LARGE1: variants seen among roughly 807,000 people sequenced by gnomAD.
LARGE1 encodes the protein xylosyl- and glucuronyltransferase LARGE1.
LARGE1 carries 43 observed loss-of-function variants against 87.6 expected under a neutral mutation model. The observed-to-expected ratio is 0.49, with a 90% CI of 0.38 to 0.63. The LOEUF is 0.63. LARGE1 is among the 30% of genes least tolerant of loss of function. The pLI is 0.00. For synonymous variants in LARGE1, 434 were observed against 394.6 expected (o/e 1.10, Z -1.18); for missense variants, 802 against 1,000.2 (o/e 0.80, Z 2.67).
chr22:33,516,225 G>A (rs1015592744), intron 6 of LARGE1, among the ~76,000 whole-genome samples: 2 of 152,098 alleles, frequency 1.3e-5, no homozygotes, highest in Admixed American at 6.5e-5. Context: ...GCTTAAAGGC[G>A]GGGAAACAGT....
At chr22:33,531,924 A>G (rs2072225774) in intron 6 of LARGE1, among the ~76,000 whole-genome samples, 1 of 152,248 alleles carries the variant, frequency 6.6e-6, no homozygotes, top group South Asian at 2.1e-4. Flanking sequence ...GGTTCCATGC[A>G]ACAGACACTG....
chr22:33,204,836 A>T (rs368575536), intron 11 of LARGE1, among the ~76,000 whole-genome samples: 2 of 151,986 alleles, frequency 1.3e-5, no homozygotes, highest in Non-Finnish European at 2.9e-5. Context: ...ATTACTATAG[A>T]AGGGTTCTGT....
Position 33,679,830 on chromosome 22 carries a change from G to A in LARGE1, c.107-29162C>T, listed in dbSNP as rs575878176. ...GCACTCCAGCCTGGGCAACAAGAGC[G>A]AAACTCTGTCTCAAAAAACAAACAA... On this transcript the variant is annotated intron_variant, in intron 2 of 14. Transcript: ENST00000397394. Among the ~76,000 whole-genome samples the A allele has an allele frequency of 2.6e-5, 4 of 152,042 alleles. No individual in the cohort carries two copies. In the South Asian group the frequency reaches 6.2e-4, roughly 24 times the overall value.
intron 11 of LARGE1, among the ~76,000 whole-genome samples, chr22:33,259,070 A>G (rs1963272): frequency 0.98 from 149,308 of 152,138 alleles, 73,269 homozygotes; most frequent in East Asian, 1. Context: ...AGTAGAGACG[A>G]GATTTCACCA....
At chr22:33,563,114 C>T (rs914244817) in intron 6 of LARGE1, 24 of 152,366 alleles carry the variant, frequency 1.6e-4, no homozygotes, top group African/African-American at 5.8e-4. Flanking sequence ...ACAGGCATGG[C>T]CACTCACTTC....
At chr22:33,332,754 G>A (rs1253958235) in intron 10 of LARGE1, among the ~76,000 whole-genome samples, 1 of 152,176 alleles carries the variant, frequency 6.6e-6, no homozygotes, top group Non-Finnish European at 1.5e-5. Flanking sequence ...TCCCTACAGA[G>A]CTGTGGTTCA....
chr22:33,165,657 A>C (rs1477797196), exon 12 of LARGE1: 2 of 152,192 alleles, frequency 1.3e-5, no homozygotes, highest in Non-Finnish European at 2.9e-5. Flanking sequence ...ATTGTATCAC[A>C]CAGCCCAGCT....
intron 11 of LARGE1, among the ~76,000 whole-genome samples, chr22:33,173,112 AG>A (rs1482696082): frequency 2.6e-5 from 4 of 152,214 alleles, no homozygotes; most frequent in Admixed American, 2.0e-4. Context: ...CCAGAGAGAA[AG>A]GTCGGGTTGC....
chr22:33,667,987 T>C (rs554980059), intron 2 of LARGE1, among the ~76,000 whole-genome samples: 1 of 152,318 alleles, frequency 6.6e-6, no homozygotes, highest in East Asian at 1.9e-4. Flanking sequence ...CTTTCCTATT[T>C]TTATCTTTTC....
intron 10 of LARGE1, among the ~76,000 whole-genome samples, chr22:33,325,176 A>T (rs1472210874): frequency 6.6e-6 from 1 of 152,206 alleles, no homozygotes; most frequent in Admixed American, 6.5e-5. Flanking sequence ...TCTAACAGTA[A>T]ACGATTCTGT....
chr22:33,739,663 C>T (rs1372784366), intron 2 of LARGE1, among the ~76,000 whole-genome samples: 1 of 152,170 alleles, frequency 6.6e-6, no homozygotes, highest in East Asian at 1.9e-4. Flanking sequence ...CACTAAATGT[C>T]CCACAGACAG....
chr22:33,683,746 C>G (rs1434736008), intron 2 of LARGE1, among the ~76,000 whole-genome samples: 1 of 152,132 alleles, frequency 6.6e-6, no homozygotes, highest in African/African-American at 2.4e-5. Context: ...TACTAAATGA[C>G]AGAGATACTA....
intron 1 of LARGE1, among the ~76,000 whole-genome samples, chr22:33,765,281 G>C (rs984575314): frequency 6.6e-6 from 1 of 152,110 alleles, no homozygotes; most frequent in Non-Finnish European, 1.5e-5. Flanking sequence ...TTGCCAGAGG[G>C]TGTTTTTCCT....
the LARGE1 span, among the ~76,000 whole-genome samples, chr22:33,069,619 A>G: frequency 4.0e-4 from 61 of 152,270 alleles, 1 homozygote; most frequent in South Asian, 2.7e-3. Context: ...AAATAATTTC[A>G]TATGCATAAA....
intron 6 of LARGE1, among the ~76,000 whole-genome samples, chr22:33,517,400 A>G (rs2071362127): frequency 6.6e-6 from 1 of 152,094 alleles, no homozygotes; most frequent in South Asian, 2.1e-4. Flanking sequence ...TATAATGCAC[A>G]AAGAATTCTT....
chr22:33,616,510 C>T (rs1031118391), intron 4 of LARGE1, among the ~76,000 whole-genome samples: 1 of 149,514 alleles, frequency 6.7e-6, no homozygotes, highest in Non-Finnish European at 1.5e-5. Flanking sequence ...CCAGCCTGGG[C>T]AATGGAGCAA....
At chr22:33,854,210 G>A (rs2063691313) in intron 1 of LARGE1, among the ~76,000 whole-genome samples, 1 of 119,926 alleles carries the variant, frequency 8.3e-6, no homozygotes, top group African/African-American at 3.4e-5. Flanking sequence ...TGCACTTAAG[G>A]GGAAAAAAAA....
the LARGE1 span, among the ~76,000 whole-genome samples, chr22:33,133,485 C>T: frequency 6.6e-6 from 1 of 152,108 alleles, no homozygotes; most frequent in African/African-American, 2.4e-5. Context: ...CAGCTTTATC[C>T]ATGTCCCTGC....
chr22:33,754,291 T>G lies in LARGE1; in HGVS notation c.106+7080A>C, dbSNP rs374593130. Among the ~76,000 whole-genome samples, 26 of 152,272 alleles carry G rather than the reference T, an allele frequency of 1.7e-4. No individual in the cohort carries two copies. In the South Asian group the frequency reaches 4.4e-3, roughly 25 times the overall value. On this transcript the variant is annotated intron_variant, in intron 2 of 14. Transcript: ENST00000397394. ...CTCACATTTTCATTTGTTGCAAGATTTTGCTCAAGCTCAGCACTAACACTT... is the reference window on the plus strand; with the variant it reads ...CTCACATTTTCATTTGTTGCAAGATGTTGCTCAAGCTCAGCACTAACACTT...
Sources: gnomAD v4.1 joint callset for allele counts (sites outside exome capture counted in the v4.1 genomes callset) on GRCh38, gnomAD v4.1.1 for gene constraint, MANE v1.5 for transcripts, NCBI Gene and HGNC (gene_info 2026-07-23, HGNC 2026-07-21) for gene names.